The following NT5C2 variants were observed in gnomAD, a reference collection of about 807,000 sequenced individuals.
NT5C2 encodes the protein cytosolic purine 5'-nucleotidase.
A neutral mutation model predicts 76.1 loss-of-function variants in NT5C2; 58 were observed. That is an observed-to-expected ratio of 0.76 (90% confidence interval 0.62 to 0.95). The LOEUF is 0.95. NT5C2 is among the 40% of genes least tolerant of loss of function. NT5C2 has a pLI of 0.00. For synonymous variants in NT5C2, 229 were observed against 237.4 expected (o/e 0.96, Z 0.32); for missense variants, 478 against 690.3 (o/e 0.69, Z 3.45).
chr10:103,186,847 A>T (rs985098094), intron 1 of NT5C2, among the ~76,000 whole-genome samples: 1 of 149,076 alleles, frequency 6.7e-6, no homozygotes, highest in African/African-American at 2.5e-5. Flanking sequence ...CGGGAGATGG[A>T]GGCTGCAGTG....
intron 3 of NT5C2, among the ~76,000 whole-genome samples, chr10:103,149,650 G>T (rs1197869819): frequency 6.6e-6 from 1 of 151,862 alleles, no homozygotes; most frequent in Non-Finnish European, 1.5e-5. Context: ...GTGTATAGAG[G>T]ATCATTCATA....
chr10:103,116,742 A>ATT (rs767356183), intron 4 of NT5C2, among the ~76,000 whole-genome samples: 1 of 141,956 alleles, frequency 7.0e-6, no homozygotes. Context: ...CACCTGGCTA[A>ATT]TTTTTTTTTT....
At chr10:103,127,746 CG>C (rs2076938544) in intron 4 of NT5C2, among the ~76,000 whole-genome samples, 2 of 152,146 alleles carry the variant, frequency 1.3e-5, no homozygotes, top group African/African-American at 4.8e-5. Flanking sequence ...TTTAGAGAGA[CG>C]GGGTTTCACT....
chr10:103,106,532 G>A, intron 5 of NT5C2, 57 bp downstream of exon 5: 1 of 1,007,378 alleles, frequency 9.9e-7, no homozygotes, highest in Non-Finnish European at 1.6e-6. Context: ...TCTAATTTGA[G>A]GGGTAAGGAA....
intron 4 of NT5C2, among the ~76,000 whole-genome samples, chr10:103,107,090 G>C (rs2071484039): frequency 6.6e-6 from 1 of 152,184 alleles, no homozygotes; most frequent in Admixed American, 6.5e-5. Context: ...AACTAGGTAA[G>C]GGAGGTCTAT....
chr10:103,162,048 G>C (rs1182677783), intron 3 of NT5C2, among the ~76,000 whole-genome samples: 2 of 151,788 alleles, frequency 1.3e-5, no homozygotes, highest in South Asian at 2.1e-4. Context: ...AGACATTCTC[G>C]CTCTGTTGCC....
chr10:103,191,057 T>A (rs552107850), intron 1 of NT5C2, among the ~76,000 whole-genome samples: 2 of 152,304 alleles, frequency 1.3e-5, no homozygotes, highest in East Asian at 3.9e-4. Flanking sequence ...TGGGGATTTG[T>A]TGTTATTTAC....
At chr10:103,170,440 A>G (rs2087624078) in intron 3 of NT5C2, among the ~76,000 whole-genome samples, 1 of 152,110 alleles carries the variant, frequency 6.6e-6, no homozygotes, top group African/African-American at 2.4e-5. Context: ...TCCATCTAAA[A>G]TATTCCAGGA....
In NT5C2 at chr10:103,099,003, A is replaced by G; in HGVS notation, c.634-19T>C. The G allele has an allele frequency of 6.3e-7, 1 of 1,579,334 alleles. No individual in the cohort carries two copies. ...GGGAGCCCTGGAGGAAGACAAAAAA[A>G]AGAATTAAGAAAAGAACAAAATCAG... is the stretch of plus-strand genomic sequence containing the variant. On this transcript the variant is annotated intron_variant, in intron 9 of 18. Transcript: ENST00000404739.
intron 1 of NT5C2, among the ~76,000 whole-genome samples, chr10:103,184,493 A>G (rs531615294): frequency 6.6e-6 from 1 of 152,324 alleles, no homozygotes; most frequent in African/African-American, 2.4e-5. Context: ...GACAGTTTGC[A>G]TTCTGTCAAT....
intron 4 of NT5C2, among the ~76,000 whole-genome samples, chr10:103,124,315 C>CTG (rs1003343676): frequency 6.6e-6 from 1 of 152,080 alleles, no homozygotes; most frequent in African/African-American, 2.4e-5. Flanking sequence ...CCAAAATACC[C>CTG]TGTCATTCAG....
chr10:103,185,046 A>G (rs1262930313), intron 1 of NT5C2, among the ~76,000 whole-genome samples: 2 of 152,310 alleles, frequency 1.3e-5, no homozygotes, highest in African/African-American at 2.4e-5. Context: ...TTCTATTGCT[A>G]CTATCCTGCC....
chr10:103,144,378 G>C lies in NT5C2; in HGVS notation c.102-4899C>G, dbSNP rs1565170356. Among the ~76,000 whole-genome samples the C allele has an allele frequency of 3.9e-5, 6 of 152,274 alleles. No individual in the cohort carries two copies. In the South Asian group the frequency reaches 8.3e-4, roughly 21 times the overall value. On this transcript the variant is annotated intron_variant, in intron 3 of 18. Coordinates refer to ENST00000404739, the MANE Select transcript of NT5C2 (RefSeq NM_001351169.2). Reference sequence around the variant, plus strand: ...TCTCATAGAAGAAAGATGCTAGCTAGCTTCAAGCACAGCTAACATTACAGG... The same window carrying C: ...TCTCATAGAAGAAAGATGCTAGCTACCTTCAAGCACAGCTAACATTACAGG...
At chr10:103,152,427 T>C (rs1266580924) in intron 3 of NT5C2, among the ~76,000 whole-genome samples, 1 of 152,196 alleles carries the variant, frequency 6.6e-6, no homozygotes, top group Non-Finnish European at 1.5e-5. Flanking sequence ...AGTGGGCCAA[T>C]TTTATTTTGT....
chr10:103,108,859 T>C (rs949097546), intron 4 of NT5C2, among the ~76,000 whole-genome samples: 6 of 152,096 alleles, frequency 3.9e-5, no homozygotes, highest in Admixed American at 2.0e-4. Flanking sequence ...TTTTTCTTTT[T>C]CTTTTTCTTT....
intron 3 of NT5C2, among the ~76,000 whole-genome samples, chr10:103,161,668 G>A (rs1178449044): frequency 6.6e-6 from 1 of 151,898 alleles, no homozygotes; most frequent in Non-Finnish European, 1.5e-5. Context: ...AGGCTTCTGT[G>A]AGCTATGACT....
chr10:103,129,509 C>G (rs1475071566), intron 4 of NT5C2, among the ~76,000 whole-genome samples: 1 of 119,032 alleles, frequency 8.4e-6, no homozygotes. Flanking sequence ...CCAGCCGCCC[C>G]GTCCGGGAGG....
chr10:103,161,623 C>T (rs1225923626), intron 3 of NT5C2, among the ~76,000 whole-genome samples: 2 of 152,054 alleles, frequency 1.3e-5, no homozygotes, highest in Admixed American at 1.3e-4. Context: ...ACTCAGGAAA[C>T]TGAGGCAGGA....
At chr10:103,109,867 C>T (rs1210940080) in intron 4 of NT5C2, among the ~76,000 whole-genome samples, 1 of 152,040 alleles carries the variant, frequency 6.6e-6, no homozygotes, top group African/African-American at 2.4e-5. Context: ...GTCTCAAATC[C>T]CCATTTTGAC....
Sources: allele counts gnomAD v4.1 joint callset (sites outside exome capture counted in the v4.1 genomes callset), GRCh38; gene constraint gnomAD v4.1.1; transcripts MANE v1.5; gene names NCBI Gene and HGNC (gene_info 2026-07-23, HGNC 2026-07-21).